The following UBE2E2 variants were observed in gnomAD, a reference collection of about 807,000 sequenced individuals.
UBE2E2 encodes ubiquitin conjugating enzyme E2 E2.
A neutral mutation model predicts 24.7 loss-of-function variants in UBE2E2; 6 were observed. The observed-to-expected ratio is 0.24, with a 90% confidence interval of 0.13 to 0.48. The LOEUF (loss-of-function observed/expected upper bound fraction) is 0.48, where lower values mean the gene tolerates loss of function less well. Among genes scored for constraint, UBE2E2 ranks in the 20% least tolerant of loss-of-function variants. The pLI, the probability that UBE2E2 is intolerant of heterozygous loss-of-function variation, is 0.99. For missense variants in UBE2E2, 169 were observed against 245.0 expected, an observed-to-expected ratio of 0.69 and a Z score of 2.07; for synonymous variants, 104 against 83.6, an observed-to-expected ratio of 1.24 and a Z score of -1.33.
intron 1 of UBE2E2, 99 bp downstream of exon 1, chr3:23,203,563 C>T: frequency 1.3e-6 from 1 of 745,384 alleles, no homozygotes; most frequent in Non-Finnish European, 1.6e-6. Context: ...CGTCGCAGGT[C>T]TCTGCTTACA....
At chr3:23,476,735 GT>G (rs1367675492) in intron 3 of UBE2E2, among the ~76,000 whole-genome samples, 2 of 152,030 alleles carry the variant, frequency 1.3e-5, no homozygotes, top group Non-Finnish European at 2.9e-5. Flanking sequence ...AATCTAAATG[GT>G]TTGATTTTTA....
chr3:23,470,544 CAA>C (rs554571387), intron 3 of UBE2E2, among the ~76,000 whole-genome samples: 4 of 152,212 alleles, frequency 2.6e-5, no homozygotes, highest in Middle Eastern at 3.4e-3. Context: ...ATATCTAAGA[CAA>C]AGAGGAAAAA....
chr3:23,438,562 G>T (rs1176488178), intron 3 of UBE2E2, among the ~76,000 whole-genome samples: 2 of 152,180 alleles, frequency 1.3e-5, no homozygotes, highest in South Asian at 4.1e-4. Context: ...GCTTTTATTA[G>T]TTGGTCCTAA....
chr3:23,567,962 T>A (rs1049067268), intron 5 of UBE2E2, among the ~76,000 whole-genome samples: 4 of 152,104 alleles, frequency 2.6e-5, no homozygotes. Flanking sequence ...TAGCAGAAGA[T>A]TCATATAACA....
intron 3 of UBE2E2, among the ~76,000 whole-genome samples, chr3:23,341,109 G>A (rs559455985): frequency 2.0e-5 from 3 of 152,320 alleles, no homozygotes; most frequent in African/African-American, 7.2e-5. Context: ...CATTGAAAAG[G>A]TGTAAGTCTT....
At chr3:23,312,397 A>G (rs1022876555) in intron 3 of UBE2E2, among the ~76,000 whole-genome samples, 2 of 152,196 alleles carry the variant, frequency 1.3e-5, no homozygotes, top group African/African-American at 4.8e-5. Flanking sequence ...CAAACAATCC[A>G]GTTATACTCC....
chr3:23,357,688 A>G (rs755493662), intron 3 of UBE2E2, among the ~76,000 whole-genome samples: 4 of 152,184 alleles, frequency 2.6e-5, no homozygotes, highest in African/African-American at 4.8e-5. Flanking sequence ...TGGAGAGACC[A>G]TTAAAAGAAA....
chr3:23,538,285 C>A (rs545872060), intron 5 of UBE2E2, among the ~76,000 whole-genome samples: 1 of 152,202 alleles, frequency 6.6e-6, no homozygotes, highest in African/African-American at 2.4e-5. Context: ...CTTCTGTCAA[C>A]TTCTGTCTAC....
chr3:23,422,255 G>T (rs995598927), intron 3 of UBE2E2, among the ~76,000 whole-genome samples: 5 of 152,060 alleles, frequency 3.3e-5, no homozygotes, highest in Non-Finnish European at 5.9e-5. Flanking sequence ...ATAAATACGG[G>T]GATAGAGAGT....
chr3:23,286,110 T>G (rs929345844), intron 3 of UBE2E2, among the ~76,000 whole-genome samples: 1 of 152,186 alleles, frequency 6.6e-6, no homozygotes, highest in Admixed American at 6.5e-5. Context: ...AGATGTAATC[T>G]CCCATTCTGT....
intron 5 of UBE2E2, among the ~76,000 whole-genome samples, chr3:23,554,100 A>AG (rs2125500222): frequency 6.6e-6 from 1 of 152,228 alleles, no homozygotes; most frequent in African/African-American, 2.4e-5. Flanking sequence ...GGTGGGGTTG[A>AG]GGGGGGAAGA....
chr3:23,343,498 C>T (rs1255202271), intron 3 of UBE2E2, among the ~76,000 whole-genome samples: 2 of 151,986 alleles, frequency 1.3e-5, no homozygotes, highest in East Asian at 1.9e-4. Flanking sequence ...ATCGCTTGAA[C>T]CTGGGGAACA....
intron 3 of UBE2E2, among the ~76,000 whole-genome samples, chr3:23,257,954 A>G (rs1167866024): frequency 6.6e-6 from 1 of 152,122 alleles, no homozygotes; most frequent in Non-Finnish European, 1.5e-5. Flanking sequence ...TATCATTAAA[A>G]AATTATCTTC....
At chr3:23,327,126 A>G (rs972750498) in intron 3 of UBE2E2, among the ~76,000 whole-genome samples, 25 of 152,348 alleles carry the variant, frequency 1.6e-4, no homozygotes, top group Admixed American at 1.0e-3. Context: ...TAGTGCTGCA[A>G]TAAACATACA....
chr3:23,228,631 T>C (rs925863436), intron 3 of UBE2E2, among the ~76,000 whole-genome samples: 2 of 152,194 alleles, frequency 1.3e-5, no homozygotes, highest in Non-Finnish European at 2.9e-5. Context: ...AATTTGATTT[T>C]TGCATTTTTG....
chr3:23,551,776 T>G (rs1695649601), intron 5 of UBE2E2, among the ~76,000 whole-genome samples: 1 of 152,202 alleles, frequency 6.6e-6, no homozygotes, highest in Non-Finnish European at 1.5e-5. Flanking sequence ...TTGCTGTAGC[T>G]GGTCCCAGGC....
In UBE2E2 at chr3:23,583,591, C is replaced by T. The variant is rs969863166; in HGVS notation, c.509-6143C>T. Reference sequence around the variant, plus strand: ...GTTTTTCCATTTGTTTGTGTCACCTCTGATTTCTTTGAGCAGTGATTTGTA... The same window carrying T: ...GTTTTTCCATTTGTTTGTGTCACCTTTGATTTCTTTGAGCAGTGATTTGTA... On this transcript the variant is annotated intron_variant, in intron 5 of 5. Transcript: ENST00000396703. The surrounding 1 kb of genome is among the most constrained non-coding windows in gnomAD (Gnocchi z 4.1). Among the ~76,000 whole-genome samples, 24 of 152,132 alleles carry T rather than the reference C, an allele frequency of 1.6e-4. No homozygotes were observed. Among genetic ancestry groups the T allele is most frequent in the African/African-American group, 5.1e-4 (21 of 41,430 alleles).
chr3:23,234,228 C>G (rs1394040284), intron 3 of UBE2E2, among the ~76,000 whole-genome samples: 1 of 144,500 alleles, frequency 6.9e-6, no homozygotes, highest in Non-Finnish European at 1.5e-5. Flanking sequence ...TTTTTTTATT[C>G]TCCAGTTTGC....
At chr3:23,281,475 A>G (rs1698489345) in intron 3 of UBE2E2, among the ~76,000 whole-genome samples, 1 of 152,210 alleles carries the variant, frequency 6.6e-6, no homozygotes, top group African/African-American at 2.4e-5. Flanking sequence ...TACAAAAAAT[A>G]AAATAAAATA....
Sources: allele counts gnomAD v4.1 joint callset (sites outside exome capture counted in the v4.1 genomes callset), GRCh38; gene constraint gnomAD v4.1.1; non-coding constraint Gnocchi (gnomAD v3.1); transcripts MANE v1.5; gene names NCBI Gene and HGNC (gene_info 2026-07-23, HGNC 2026-07-21).